Variants in TKT observed in about 807,000 individuals in gnomAD.
TKT encodes the protein transketolase, also known as epididymis luminal protein 107.
Under a neutral mutation model 63.9 loss-of-function variants are expected in TKT, and 47 were observed. The observed-to-expected ratio is 0.74, with a 90% CI of 0.58 to 0.94. The LOEUF (loss-of-function observed/expected upper bound fraction) is 0.94, where lower values mean the gene tolerates loss of function less well. TKT is among the 40% of genes least tolerant of loss of function. TKT has a pLI of 0.00. For missense variants in TKT, 721 were observed against 846.2 expected, an observed-to-expected ratio of 0.85 and a Z score of 1.84; for synonymous variants, 338 against 334.1, an observed-to-expected ratio of 1.01 and a Z score of -0.13.
intron 5 of TKT, 104 bp downstream of exon 5, chr3:53,234,879 G>T: frequency 8.3e-7 from 1 of 1,206,676 alleles, no homozygotes. Context: ...TTTAGATGGT[G>T]CTTAAGGTCC....
intron 1 of TKT, among the ~76,000 whole-genome samples, chr3:53,249,072 T>C (rs1472197369): frequency 1.1e-4 from 16 of 152,008 alleles, no homozygotes; most frequent in East Asian, 5.9e-4. Context: ...GTTCAAGCGA[T>C]TCTCATGCCT....
chr3:53,243,078 G>GGCGGACAAGGGCTGAGGAAA, intron 1 of TKT, among the ~76,000 whole-genome samples: 1 of 152,080 alleles, frequency 6.6e-6, no homozygotes, highest in Admixed American at 6.5e-5. Flanking sequence ...GGCTGAGGAA[G>GGCGGACAAGGGCTGAGGAAA]GGCTGACAAA....
chr3:53,239,493 G>T (rs1365496571), intron 4 of TKT, among the ~76,000 whole-genome samples: 2 of 151,996 alleles, frequency 1.3e-5, no homozygotes, highest in African/African-American at 4.8e-5. Context: ...ATTTTTTGTA[G>T]AGAGAGTCTT....
At position 53,226,848 on chromosome 3, in the gene TKT, A is replaced by T. The variant is rs1469399284; in HGVS notation, c.1604T>A (p.Phe535Tyr). ...EKINIRVLDP[F>Y]TIKPLDRKLI... is the part of the protein sequence containing the mutation. ...TTTTCTGTCCAGGGGCTTGATGGTG[A>T]AGGGGTCCAGCACGCGGATGTTGAT... Residue 535 changes from phenylalanine to tyrosine, a missense_variant, in exon 13 of 14, where the codon TTC becomes TAC. Transcript: ENST00000462138. The T allele has an allele frequency of 1.2e-6, 2 of 1,613,310 alleles. No homozygotes were observed. The highest frequency in any genetic ancestry group is 1.7e-6 in the Non-Finnish European group (2 of 1,179,648).
chr3:53,240,213 A>G, intron 4 of TKT, 38 bp downstream of exon 4: 5 of 1,594,912 alleles, frequency 3.1e-6, no homozygotes, highest in Non-Finnish European at 4.3e-6. Flanking sequence ...CCACTCCCCA[A>G]AACTACCCAG....
At position 53,228,106 on chromosome 3, in the gene TKT, G is replaced by T; in HGVS notation, c.1523C>A (p.Ala508Asp). The T allele has an allele frequency of 6.2e-7, 1 of 1,613,870 alleles. No homozygotes were observed. Residue 508 changes from alanine to aspartate, a missense_variant, in exon 12 of 14, where the codon GCT becomes GAT. Physicochemically the swap from Ala to Asp is moderately radical, Grantham distance 126. Coordinates refer to ENST00000462138, the MANE Select transcript of TKT (RefSeq NM_001064.4). ...CAAGGCCTCGTGCAGGGTCACCCCAGCCCCGATAACGGTCACCTGGTCATC... is the reference window on the plus strand; with the variant it reads ...CAAGGCCTCGTGCAGGGTCACCCCATCCCCGATAACGGTCACCTGGTCATC... ...SKDDQVTVIG[A>D]GVTLHEALAA...
Position 53,233,065 on chromosome 3 carries a change from G to A in TKT, c.748+91C>T, listed in dbSNP as rs149208762. 1,710 of 1,104,302 alleles carry A rather than the reference G, an allele frequency of 1.5e-3. 2 individuals are homozygous for A. The highest frequency in any genetic ancestry group is 2.7e-3 in the Admixed American group (142 of 52,312). 68.4% of individuals were successfully genotyped at this position (1,104,302 alleles called of 1,614,324 possible). ...CCTGGTGAGCTCAGTGAGCAGCAAG[G>A]GCTGTTTCCCTGGATGTGCGGGTCA... On this transcript the variant is annotated intron_variant, in intron 6 of 13. Transcript: ENST00000462138.
intron 1 of TKT, among the ~76,000 whole-genome samples, chr3:53,246,903 G>T (rs1302817925): frequency 1.3e-5 from 2 of 151,760 alleles, no homozygotes; most frequent in Non-Finnish European, 2.9e-5. Context: ...AAAATTCAGG[G>T]TATAGTTCTT....
Position 53,236,287 on chromosome 3 carries a change from G to A in TKT, c.438-1113C>T, listed in dbSNP as rs1157238186. ...GTCCAAGCCTCCAGGCCTCCCTGCC[G>A]CAGGGCCAAGGCAGGGGCAGCAGGA... On this transcript the variant is annotated intron_variant, in intron 4 of 13. Transcript: ENST00000462138. Among the ~76,000 whole-genome samples the A allele has an allele frequency of 5.9e-5, 9 of 152,324 alleles. No individual in the cohort carries two copies. The East Asian group carries it at 9.7e-4, about 16-fold the overall frequency.
At chr3:53,249,703 A>G (rs1705667158) in intron 1 of TKT, among the ~76,000 whole-genome samples, 1 of 152,144 alleles carries the variant, frequency 6.6e-6, no homozygotes, top group East Asian at 1.9e-4. Flanking sequence ...CACAAATGCA[A>G]CTGACTTCTG....
intron 1 of TKT, among the ~76,000 whole-genome samples, chr3:53,242,857 C>G (rs572807281): frequency 2.0e-5 from 3 of 152,288 alleles, no homozygotes; most frequent in African/African-American, 4.8e-5. Context: ...AGCCTCCACG[C>G]ATGGGGTGTG....
intron 1 of TKT, among the ~76,000 whole-genome samples, chr3:53,246,453 T>C (rs1553680919): frequency 6.6e-6 from 1 of 152,176 alleles, no homozygotes; most frequent in Admixed American, 6.5e-5. Context: ...ACAAATCCGG[T>C]ATCAATATTC....
intron 4 of TKT, chr3:53,235,431 A>G: frequency 2.5e-6 from 1 of 402,346 alleles, no homozygotes; most frequent in Non-Finnish European, 4.5e-6. Flanking sequence ...TAAGAAACAG[A>G]GGTCTAGGAC....
In TKT at chr3:53,233,251, C is replaced by T; in HGVS notation, c.653G>A (p.Gly218Glu). ...AFGWHAIIVD[G>E]HSVEELCKAF... The stretch of plus-strand genomic sequence containing the variant: ...CTTGCACAGCTCCTCCACGCTGTGT[C>T]CATCCACGATGATGGCATGCCAACT... The change falls in exon 6 of 14, where the codon GGA becomes GAA. Residue 218 changes from glycine to glutamate, a missense_variant. Coordinates refer to ENST00000462138, the MANE Select transcript of TKT (RefSeq NM_001064.4). The T allele has an allele frequency of 2.5e-6, 4 of 1,612,356 alleles. No homozygotes were observed. The highest frequency in any genetic ancestry group is 2.5e-6 in the Non-Finnish European group (3 of 1,179,266).
At chr3:53,241,343 G>T in intron 2 of TKT, 98 bp from the exon 3 acceptor site, 1 of 960,690 alleles carries the variant, frequency 1.0e-6, no homozygotes. Context: ...GGCCGAGCCG[G>T]CCAACTGCAG....
chr3:53,248,226 T>C (rs1480953447), intron 1 of TKT, among the ~76,000 whole-genome samples: 6 of 152,212 alleles, frequency 3.9e-5, no homozygotes, highest in African/African-American at 1.4e-4. Context: ...GAAAGTGACT[T>C]GCCTAAAGTC....
rs2106650950 is a variant in TKT, at chr3:53,225,764, T to C, written c.1864A>G (p.Lys622Glu). The C allele has an allele frequency of 1.2e-6, 2 of 1,612,468 alleles. No homozygotes were observed. Among genetic ancestry groups the C allele is most frequent in the Middle Eastern group, 1.7e-4 (1 of 6,056 alleles). Residue 622 changes from lysine to glutamate, a missense_variant, in exon 14 of 14, where the codon AAG becomes GAG. Coordinates refer to ENST00000462138, the MANE Select transcript of TKT (RefSeq NM_001064.4). Reference protein sequence around the residue: ...IAQAVRGLITKA With the variant: ...IAQAVRGLITEA ...CACACTTCATACCCGCCCTAGGCCT[T>C]GGTGATGAGGCCCCTCACAGCTTGT... is the stretch of plus-strand genomic sequence containing the variant.
At chr3:53,247,116 G>A (rs1705542986) in intron 1 of TKT, among the ~76,000 whole-genome samples, 1 of 151,586 alleles carries the variant, frequency 6.6e-6, no homozygotes. Flanking sequence ...CAGCACTTTG[G>A]GAGACAGAGA....
chr3:53,240,568 A>C (rs1285610863), intron 3 of TKT, among the ~76,000 whole-genome samples: 1 of 152,238 alleles, frequency 6.6e-6, no homozygotes, highest in African/African-American at 2.4e-5. Flanking sequence ...ATGTGGCCTC[A>C]GGCCTCAGGC....
Sources: gnomAD v4.1 joint callset for allele counts (sites outside exome capture counted in the v4.1 genomes callset) on GRCh38, gnomAD v4.1.1 for gene constraint, MANE v1.5 for transcripts, NCBI Gene and HGNC (gene_info 2026-07-23, HGNC 2026-07-21) for gene names.